LINGO2: variants seen among roughly 807,000 people sequenced by gnomAD.
The protein encoded by LINGO2 is leucine-rich repeat and immunoglobulin-like domain-containing nogo receptor-interacting protein 2.
In LINGO2, 14 loss-of-function variants were observed where a neutral mutation model predicts 30.6. That is an observed-to-expected ratio of 0.46 (90% CI 0.30 to 0.72). The LOEUF is 0.72. LINGO2 is among the 30% of genes least tolerant of loss of function. The pLI is 0.07. For missense variants in LINGO2, 729 were observed against 751.7 expected, an observed-to-expected ratio of 0.97 and a Z score of 0.35; for synonymous variants, 317 against 288.5, an observed-to-expected ratio of 1.10 and a Z score of -1.00.
chr9:28,671,309 A>G (rs1337000708), upstream of LINGO2, among the ~76,000 whole-genome samples: 1 of 152,042 alleles, frequency 6.6e-6, no homozygotes, highest in Non-Finnish European at 1.5e-5. Context: ...GATGGTAGAA[A>G]GATGGTGCTC....
intron 4 of LINGO2, among the ~76,000 whole-genome samples, chr9:28,202,106 A>T (rs991281925): frequency 4.1e-4 from 62 of 152,174 alleles, no homozygotes; most frequent in African/African-American, 1.4e-3. Flanking sequence ...ACCTGTGTCC[A>T]AATTTCCCCT....
the LINGO2 span, among the ~76,000 whole-genome samples, chr9:28,781,277 G>A: frequency 5.3e-5 from 8 of 152,036 alleles, no homozygotes; most frequent in African/African-American, 1.4e-4. Context: ...GCCAGATGCC[G>A]GGCTCTTATA....
chr9:28,416,474 G>T (rs1822972544), intron 2 of LINGO2, among the ~76,000 whole-genome samples: 1 of 151,090 alleles, frequency 6.6e-6, no homozygotes, highest in African/African-American at 2.5e-5. Flanking sequence ...ACTTAAAATA[G>T]ATTTTTAAAT....
intron 1 of LINGO2, among the ~76,000 whole-genome samples, chr9:28,494,251 G>T (rs569465151): frequency 6.6e-6 from 1 of 151,938 alleles, no homozygotes; most frequent in Admixed American, 6.6e-5. Context: ...AAGCACTAGG[G>T]TACATGTACA....
chr9:29,210,175 T>C, the LINGO2 span, among the ~76,000 whole-genome samples: 6 of 152,344 alleles, frequency 3.9e-5, no homozygotes, highest in East Asian at 5.8e-4. Flanking sequence ...AACATTTTAA[T>C]GTTTGGTCTC....
At chr9:29,195,020 T>G in the LINGO2 span, among the ~76,000 whole-genome samples, 1 of 152,100 alleles carries the variant, frequency 6.6e-6, no homozygotes, top group African/African-American at 2.4e-5. Flanking sequence ...GCTGTCTATT[T>G]ATAACCCTAC....
At chr9:28,903,479 A>G in the LINGO2 span, among the ~76,000 whole-genome samples, 1 of 152,162 alleles carries the variant, frequency 6.6e-6, no homozygotes, top group South Asian at 2.1e-4. Flanking sequence ...CCATCCATTC[A>G]TTCATTCATT....
the LINGO2 span, among the ~76,000 whole-genome samples, chr9:29,068,708 A>C: frequency 6.6e-6 from 1 of 151,902 alleles, no homozygotes; most frequent in South Asian, 2.1e-4. Flanking sequence ...TACGATTCAA[A>C]TTCATCCTGA....
At chr9:27,988,022 G>T (rs1013793575) in intron 5 of LINGO2, among the ~76,000 whole-genome samples, 1 of 151,816 alleles carries the variant, frequency 6.6e-6, no homozygotes, top group Non-Finnish European at 1.5e-5. Flanking sequence ...CCCACAACAG[G>T]CCCTGGTGTG....
chr9:28,598,503 C>T (rs775022622), intron 1 of LINGO2, among the ~76,000 whole-genome samples: 1 of 151,304 alleles, frequency 6.6e-6, no homozygotes, highest in African/African-American at 2.4e-5. Flanking sequence ...GATTTCCAGA[C>T]TCCAGGGAAA....
intron 1 of LINGO2, among the ~76,000 whole-genome samples, chr9:28,548,624 A>G (rs1822082332): frequency 1.4e-5 from 2 of 143,552 alleles, no homozygotes; most frequent in African/African-American, 5.2e-5. Flanking sequence ...AAATCACTTG[A>G]ATCCAGGAGG....
chr9:28,567,947 A>G (rs1013256019), intron 1 of LINGO2, among the ~76,000 whole-genome samples: 1 of 152,090 alleles, frequency 6.6e-6, no homozygotes. Flanking sequence ...AGTTCGAACA[A>G]GCAAAGCTGA....
intron 4 of LINGO2, among the ~76,000 whole-genome samples, chr9:28,239,165 A>G (rs1821687153): frequency 6.6e-6 from 1 of 152,124 alleles, no homozygotes; most frequent in African/African-American, 2.4e-5. Flanking sequence ...CCTAGTAAAG[A>G]AAAACCCAGG....
intron 4 of LINGO2, among the ~76,000 whole-genome samples, chr9:28,189,194 TC>T (rs1819655253): frequency 6.8e-6 from 1 of 147,834 alleles, no homozygotes; most frequent in African/African-American, 2.5e-5. Context: ...AGAGCAGTGA[TC>T]TTTTTTTTCT....
At chr9:29,030,297 C>T in the LINGO2 span, among the ~76,000 whole-genome samples, 1 of 152,000 alleles carries the variant, frequency 6.6e-6, no homozygotes, top group African/African-American at 2.4e-5. Context: ...TTATGTAATT[C>T]ATCAATTCCA....
chr9:27,940,990 A>T, the LINGO2 span: 1 of 152,234 alleles, frequency 6.6e-6, no homozygotes, highest in African/African-American at 2.4e-5. Context: ...AACTATGCTT[A>T]TGGGAAATGG....
chr9:28,204,947 G>C (rs547082800), intron 4 of LINGO2, among the ~76,000 whole-genome samples: 5 of 152,182 alleles, frequency 3.3e-5, no homozygotes, highest in Admixed American at 1.3e-4. Context: ...CAGAGAATTG[G>C]CCCACTAGCC....
At chr9:28,620,375 T>A (rs962211106) in intron 1 of LINGO2, among the ~76,000 whole-genome samples, 2 of 152,158 alleles carry the variant, frequency 1.3e-5, no homozygotes, top group Non-Finnish European at 2.9e-5. Context: ...CTGTTCAGCA[T>A]GTGATTTCAT....
the LINGO2 span, among the ~76,000 whole-genome samples, chr9:29,212,462 G>C: frequency 6.6e-6 from 1 of 151,936 alleles, no homozygotes; most frequent in Non-Finnish European, 1.5e-5. Flanking sequence ...GCGCCCCCGA[G>C]TCCGCAGGCC....
Sources: gnomAD v4.1 joint callset for allele counts (sites outside exome capture counted in the v4.1 genomes callset) on GRCh38, gnomAD v4.1.1 for gene constraint, MANE v1.5 for transcripts, NCBI Gene and HGNC (gene_info 2026-07-23, HGNC 2026-07-21) for gene names.